UBE2N: variants seen among roughly 807,000 people sequenced by gnomAD.
UBE2N encodes the protein ubiquitin conjugating enzyme E2 N, also known as ubiquitin-conjugating enzyme E2 N.
For missense variants in UBE2N, 60 were observed against 192.1 expected, an observed-to-expected ratio of 0.31 and a Z score of 4.07; for synonymous variants, 70 against 69.2, an observed-to-expected ratio of 1.01 and a Z score of -0.06.
At chr12:93,411,414 C>T (rs1207201203) in intron 1 of UBE2N, 115 bp from the exon 2 acceptor site, 2 of 1,399,920 alleles carry the variant, frequency 1.4e-6, no homozygotes, top group East Asian at 2.3e-5. Context: ...CTCCAATCTC[C>T]CAACAGATTT....
chr12:93,441,513 G>A (rs1019643250), intron 1 of UBE2N, among the ~76,000 whole-genome samples: 4 of 152,066 alleles, frequency 2.6e-5, no homozygotes, highest in Admixed American at 1.3e-4. Flanking sequence ...TCCGGCGGGG[G>A]GGTGGTCTCA....
chr12:93,414,907 C>T (rs1253586552), intron 1 of UBE2N, among the ~76,000 whole-genome samples: 1 of 152,162 alleles, frequency 6.6e-6, no homozygotes, highest in Admixed American at 6.5e-5. Context: ...ATATCCTCAG[C>T]ATTTGGAACA....
At chr12:93,425,307 A>G (rs1267234189) in intron 1 of UBE2N, among the ~76,000 whole-genome samples, 2 of 152,190 alleles carry the variant, frequency 1.3e-5, no homozygotes, top group South Asian at 2.1e-4. Flanking sequence ...GCTCTAGAGA[A>G]TTAGGAAGTA....
At chr12:93,410,904 A>G (rs201098150) in intron 2 of UBE2N, 30 bp from the exon 3 acceptor site, 3 of 1,614,210 alleles carry the variant, frequency 1.9e-6, no homozygotes, top group East Asian at 2.2e-5. Flanking sequence ...AGTATGATAA[A>G]GCATGAAAAA....
At chr12:93,420,012 A>G (rs1878356956) in intron 1 of UBE2N, among the ~76,000 whole-genome samples, 1 of 152,186 alleles carries the variant, frequency 6.6e-6, no homozygotes, top group African/African-American at 2.4e-5. Context: ...GAGAATAATG[A>G]TTCTCAAGAC....
At chr12:93,431,723 C>T (rs577480182) in intron 1 of UBE2N, among the ~76,000 whole-genome samples, 13 of 152,310 alleles carry the variant, frequency 8.5e-5, no homozygotes, top group African/African-American at 2.6e-4. Context: ...GTTTGCCTAA[C>T]AATTCTTGAT....
At position 93,414,873 on chromosome 12, in the gene UBE2N, T is replaced by C. The variant is rs79997061; in HGVS notation, c.31-3574A>G. 3.0e-3 allele frequency among the ~76,000 whole-genome samples: 458 copies of C among 152,356 alleles called. 2 individuals are homozygous for C. Among genetic ancestry groups the C allele is most frequent in the African/African-American group, 0.011 (444 of 41,590 alleles). The stretch of plus-strand genomic sequence containing the variant: ...AATTTAAGCTCCATGAGAGGATGGA[T>C]TTGAGTCTATTTTATGGACTGCTAT... On this transcript the variant is annotated intron_variant, in intron 1 of 3. Coordinates refer to ENST00000318066, the MANE Select transcript of UBE2N (RefSeq NM_003348.4).
intron 1 of UBE2N, among the ~76,000 whole-genome samples, chr12:93,425,962 C>T (rs1878567315): frequency 6.6e-6 from 1 of 152,204 alleles, no homozygotes; most frequent in Admixed American, 6.5e-5. Context: ...ATGATTCTTT[C>T]CCCTACCTCA....
intron 1 of UBE2N, among the ~76,000 whole-genome samples, chr12:93,423,389 T>C (rs1878477284): frequency 6.6e-6 from 1 of 151,492 alleles, no homozygotes; most frequent in Admixed American, 6.6e-5. Context: ...CAGGAGGGGG[T>C]TGGGGGCTGG....
At chr12:93,420,517 C>T (rs1426838010) in intron 1 of UBE2N, among the ~76,000 whole-genome samples, 2 of 152,166 alleles carry the variant, frequency 1.3e-5, no homozygotes, top group African/African-American at 4.8e-5. Flanking sequence ...CTTACTGTAA[C>T]TACGCACAAT....
intron 1 of UBE2N, among the ~76,000 whole-genome samples, chr12:93,424,858 T>G (rs917813456): frequency 1.3e-5 from 2 of 152,240 alleles, no homozygotes; most frequent in South Asian, 4.1e-4. Flanking sequence ...TGTCGGTAAA[T>G]GAGCATTCAT....
intron 1 of UBE2N, chr12:93,424,251 C>G (rs1878507366): frequency 6.6e-6 from 1 of 152,200 alleles, no homozygotes; most frequent in South Asian, 2.1e-4. Context: ...ACTAGTATAG[C>G]TACCATGTAT....
At position 93,406,446 on chromosome 12, in the gene UBE2N, C is replaced by T. The variant is rs951402501; in HGVS notation, c.*3593G>A. The T allele has an allele frequency of 6.6e-6, 1 of 152,070 alleles. No homozygotes were observed. The highest frequency in any genetic ancestry group is 1.5e-5 in the Non-Finnish European group (1 of 68,028). 9.4% of individuals were successfully genotyped at this position (152,070 alleles called of 1,614,324 possible). A position where few individuals can be genotyped will look rare whatever the true frequency, so the allele number is the denominator to read the frequency against. On this transcript the variant is annotated 3_prime_UTR_variant, in exon 4 of 4. Coordinates refer to ENST00000318066, the MANE Select transcript of UBE2N (RefSeq NM_003348.4). Reference sequence around the variant, plus strand: ...CATTCTCCATCAAACAACCATAGCACCTGTGACTTTTATCTGTTGGTTTGT... The same window carrying T: ...CATTCTCCATCAAACAACCATAGCATCTGTGACTTTTATCTGTTGGTTTGT...
rs112152818 is a variant in UBE2N, at chr12:93,441,775, G to A, written c.30+80C>T. On this transcript the variant is annotated intron_variant, in intron 1 of 3. Transcript: ENST00000318066. ...CTCCCAGAGCGGGCCGCGGGCCGAA[G>A]GAGGCGAGAGGCCGCGCTGCCTGCC... 7.4e-3 allele frequency: 11,514 copies of A among 1,548,394 alleles called. 739 individuals are homozygous for A. In the African/African-American group the frequency reaches 0.14, roughly 19 times the overall value.
intron 1 of UBE2N, among the ~76,000 whole-genome samples, chr12:93,414,284 T>C (rs559072585): frequency 4.2e-4 from 64 of 151,474 alleles, no homozygotes; most frequent in African/African-American, 1.5e-3. Context: ...ATCCCACCTC[T>C]ACTAAAAATA....
At chr12:93,422,230 C>T (rs1398270336) in intron 1 of UBE2N, among the ~76,000 whole-genome samples, 1 of 152,040 alleles carries the variant, frequency 6.6e-6, no homozygotes, top group Non-Finnish European at 1.5e-5. Context: ...AATTAGTAGA[C>T]TCGTGGCAGT....
intron 1 of UBE2N, among the ~76,000 whole-genome samples, chr12:93,412,570 T>C (rs540701489): frequency 6.6e-6 from 1 of 152,350 alleles, no homozygotes; most frequent in East Asian, 1.9e-4. Flanking sequence ...GCCAGGAGTT[T>C]TGCCACAAGA....
At chr12:93,437,707 T>C (rs769743699) in intron 1 of UBE2N, among the ~76,000 whole-genome samples, 1 of 151,598 alleles carries the variant, frequency 6.6e-6, no homozygotes, top group Non-Finnish European at 1.5e-5. Flanking sequence ...GAGAATCACT[T>C]GAACCTGGGA....
chr12:93,428,751 G>C (rs1218208499), intron 1 of UBE2N, among the ~76,000 whole-genome samples: 1 of 152,184 alleles, frequency 6.6e-6, no homozygotes, highest in African/African-American at 2.4e-5. Context: ...ACTCAGACTA[G>C]AAACAAGTGT....
Sources: allele counts gnomAD v4.1 joint callset (sites outside exome capture counted in the v4.1 genomes callset), GRCh38; gene constraint gnomAD v4.1.1; transcripts MANE v1.5; gene names NCBI Gene and HGNC (gene_info 2026-07-23, HGNC 2026-07-21).